The following SLC6A11 variants were observed in gnomAD, a reference collection of about 807,000 sequenced individuals.
SLC6A11 encodes the protein solute carrier family 6 member 11.
Under a neutral mutation model 74.8 loss-of-function variants are expected in SLC6A11, and 25 were observed. The observed-to-expected ratio is 0.33, with a 90% CI of 0.24 to 0.47. The LOEUF (loss-of-function observed/expected upper bound fraction) is 0.47, where lower values mean the gene tolerates loss of function less well. SLC6A11 is among the 20% of genes least tolerant of loss of function. The pLI is 1.00. For missense variants in SLC6A11, 574 were observed against 837.0 expected (o/e 0.69, Z 3.88); for synonymous variants, 330 against 330.2 (o/e 1.00, Z 0.01).
In SLC6A11 at chr3:10,926,821, T is replaced by C. The variant is rs1468808454; in HGVS notation, c.1233+705T>C. Among the ~76,000 whole-genome samples the C allele has an allele frequency of 6.6e-6, 1 of 152,152 alleles. No homozygotes were observed. The highest frequency in any genetic ancestry group is 1.5e-5 in the Non-Finnish European group (1 of 68,022). ...TCCCATCCCAGGTCCCCGGCCTCTTTCCCAGACCATTCCCCCAACAGTCCC... is the reference window on the plus strand; with the variant it reads ...TCCCATCCCAGGTCCCCGGCCTCTTCCCCAGACCATTCCCCCAACAGTCCC... On this transcript the variant is annotated intron_variant, in intron 9 of 13. Coordinates refer to ENST00000254488, the MANE Select transcript of SLC6A11 (RefSeq NM_014229.3). The surrounding 1 kb of genome is among the most constrained non-coding windows in gnomAD (Gnocchi z 5.7).
chr3:10,937,535 C>A (rs1314513424), intron 13 of SLC6A11, among the ~76,000 whole-genome samples: 1 of 152,260 alleles, frequency 6.6e-6, no homozygotes, highest in Non-Finnish European at 1.5e-5. Flanking sequence ...AAGGGCCCCC[C>A]AGATCCCAGC....
chr3:10,880,184 G>A (rs1694958187), intron 6 of SLC6A11, among the ~76,000 whole-genome samples: 1 of 152,146 alleles, frequency 6.6e-6, no homozygotes, highest in South Asian at 2.1e-4. Flanking sequence ...TTAGGAAGAG[G>A]GGTCGACTGG....
chr3:10,872,671 G>A lies in SLC6A11; in HGVS notation c.757-2290G>A, dbSNP rs142564230. 4.4e-4 allele frequency among the ~76,000 whole-genome samples: 67 copies of A among 152,320 alleles called. No homozygotes were observed. In the East Asian group the frequency reaches 0.013, roughly 29 times the overall value. On this transcript the variant is annotated intron_variant, in intron 5 of 13. Coordinates refer to ENST00000254488, the MANE Select transcript of SLC6A11 (RefSeq NM_014229.3). ...ACCTAGCTCAGTTCTTAGTACATGA[G>A]AGTGTTTGAGTGAGTGAGTGAGTAG...
chr3:10,873,688 C>T (rs1437548562), intron 5 of SLC6A11, among the ~76,000 whole-genome samples: 1 of 118,218 alleles, frequency 8.5e-6, no homozygotes, highest in Non-Finnish European at 1.7e-5. Flanking sequence ...CTATCCCGTC[C>T]CATCCTATCC....
chr3:10,896,456 T>C (rs61080449), intron 6 of SLC6A11, among the ~76,000 whole-genome samples: 2,696 of 152,310 alleles, frequency 0.018, 83 homozygotes, highest in African/African-American at 0.061. Context: ...ATTGTACCCA[T>C]AAAGAAACTG....
chr3:10,840,953 A>T (rs565064980), intron 4 of SLC6A11, among the ~76,000 whole-genome samples: 1 of 152,206 alleles, frequency 6.6e-6, no homozygotes, highest in East Asian at 1.9e-4. Context: ...GGAAGCTGAG[A>T]CTCAGAGAGG....
intron 8 of SLC6A11, among the ~76,000 whole-genome samples, chr3:10,925,471 CG>C (rs144915402): frequency 0.017 from 2,600 of 152,284 alleles, 90 homozygotes; most frequent in East Asian, 0.16. Context: ...CCCGAGGACA[CG>C]TTAACCCAGC....
rs193081697 is a variant in SLC6A11, at chr3:10,926,887, C to T, written c.1233+771C>T. On this transcript the variant is annotated intron_variant, in intron 9 of 13. Coordinates refer to ENST00000254488, the MANE Select transcript of SLC6A11 (RefSeq NM_014229.3). This position sits in a 1 kb window ranked among gnomAD's most constrained non-coding sequence, Gnocchi z 5.7. ...GCCTGCTGGTCCTCACAGCTGTTTT[C>T]CCTAGGAGCCCTGGAGAACTTCCCC... Among the ~76,000 whole-genome samples, 3 of 152,278 alleles carry T rather than the reference C, an allele frequency of 2.0e-5. No individual in the cohort carries two copies. Among genetic ancestry groups the T allele is most frequent in the Admixed American group, 1.3e-4 (2 of 15,296 alleles).
chr3:10,868,827 G>A (rs1256254832), intron 5 of SLC6A11, among the ~76,000 whole-genome samples: 1 of 152,220 alleles, frequency 6.6e-6, no homozygotes, highest in Non-Finnish European at 1.5e-5. Flanking sequence ...GGGACACTTT[G>A]TTAGGAAGCA....
intron 10 of SLC6A11, among the ~76,000 whole-genome samples, chr3:10,931,970 A>G (rs1695693709): frequency 6.6e-6 from 1 of 152,198 alleles, no homozygotes; most frequent in African/African-American, 2.4e-5. Flanking sequence ...GAGGCTCTCC[A>G]GGTTTCATTC....
chr3:10,873,457 A>C (rs1238810076), intron 5 of SLC6A11, among the ~76,000 whole-genome samples: 1 of 144,366 alleles, frequency 6.9e-6, no homozygotes, highest in Non-Finnish European at 1.5e-5. Context: ...ATCCTATGGC[A>C]TGCTATCCTA....
chr3:10,879,846 C>T (rs892808539), intron 6 of SLC6A11, among the ~76,000 whole-genome samples: 8 of 152,028 alleles, frequency 5.3e-5, no homozygotes, highest in Non-Finnish European at 1.0e-4. Context: ...CGACATGGCT[C>T]TCAAAGGAAA....
At chr3:10,927,790 G>T (rs1470083874) in intron 9 of SLC6A11, among the ~76,000 whole-genome samples, 1 of 152,218 alleles carries the variant, frequency 6.6e-6, no homozygotes, top group Non-Finnish European at 1.5e-5. Context: ...CCCTTTGTCT[G>T]CACAAGGAGT....
intron 4 of SLC6A11, among the ~76,000 whole-genome samples, chr3:10,835,132 C>T (rs755332): frequency 0.1 from 15,884 of 152,254 alleles, 1,211 homozygotes; most frequent in Admixed American, 0.25. Context: ...CAGACCACCT[C>T]GGAGGGGCCA....
At chr3:10,830,102 A>G (rs1465135714) in intron 4 of SLC6A11, among the ~76,000 whole-genome samples, 1 of 152,134 alleles carries the variant, frequency 6.6e-6, no homozygotes, top group Non-Finnish European at 1.5e-5. Context: ...GAGGTAACAG[A>G]TATATCTGTA....
intron 6 of SLC6A11, among the ~76,000 whole-genome samples, chr3:10,892,477 C>CTCCACCA: frequency 6.6e-6 from 1 of 152,108 alleles, no homozygotes; most frequent in African/African-American, 2.4e-5. Context: ...GGAAACCCAG[C>CTCCACCA]TCCACCACCG....
chr3:10,828,022 C>T (rs761260222), intron 4 of SLC6A11, among the ~76,000 whole-genome samples: 1 of 152,152 alleles, frequency 6.6e-6, no homozygotes, highest in Non-Finnish European at 1.5e-5. Context: ...CCTCGTTTCC[C>T]TTAGTAACCC....
chr3:10,909,372 GA>G (rs34534401), intron 6 of SLC6A11, among the ~76,000 whole-genome samples: 6 of 149,610 alleles, frequency 4.0e-5, no homozygotes, highest in African/African-American at 7.4e-5. Context: ...GAGCAAATTG[GA>G]AAAAAAAAAT....
At chr3:10,844,104 T>G in intron 4 of SLC6A11, 110 bp from the exon 5 acceptor site, 1 of 1,334,436 alleles carries the variant, frequency 7.5e-7, no homozygotes, top group South Asian at 1.4e-5. Context: ...TGGCCCACGG[T>G]GGACGTGGGT....
Sources: gnomAD v4.1 joint callset for allele counts (sites outside exome capture counted in the v4.1 genomes callset) on GRCh38, gnomAD v4.1.1 for gene constraint, Gnocchi (gnomAD v3.1) non-coding constraint, MANE v1.5 for transcripts, NCBI Gene and HGNC (gene_info 2026-07-23, HGNC 2026-07-21) for gene names.